CD70: variants seen among roughly 807,000 people sequenced by gnomAD.
The protein encoded by CD70 is CD70 antigen.
In CD70, 6 loss-of-function variants were observed where a neutral mutation model predicts 9.0. The observed-to-expected ratio is 0.67, with a 90% CI of 0.37 to 1.32. The LOEUF (loss-of-function observed/expected upper bound fraction) is 1.32. CD70 is among the 40% of genes most tolerant of loss of function. The pLI is 0.02. For missense variants in CD70, 235 were observed against 258.7 expected, an observed-to-expected ratio of 0.91 and a Z score of 0.63; for synonymous variants, 108 against 112.3, an observed-to-expected ratio of 0.96 and a Z score of 0.24.
downstream of CD70, among the ~76,000 whole-genome samples, chr19:6,583,788 GATT>G (rs1330566543): frequency 1.8e-4 from 14 of 79,382 alleles, no homozygotes; most frequent in Admixed American, 5.7e-4. Flanking sequence ...CTGTGGTCTT[GATT>G]TTTTTTTTTT....
At chr19:6,589,268 T>C (rs963898478) in intron 2 of CD70, among the ~76,000 whole-genome samples, 6 of 124,016 alleles carry the variant, frequency 4.8e-5, no homozygotes, top group East Asian at 2.7e-4. Flanking sequence ...CTTTCTCTTA[T>C]TTCTTTTTTT....
At chr19:6,587,324 AAG>A (rs1285807684) in intron 2 of CD70, among the ~76,000 whole-genome samples, 5 of 146,344 alleles carry the variant, frequency 3.4e-5, no homozygotes, top group South Asian at 2.2e-4. Flanking sequence ...GAGAGAGAGC[AAG>A]AGAGAGAGTG....
chr19:6,589,211 C>A (rs1427110301), intron 2 of CD70, among the ~76,000 whole-genome samples: 2 of 150,668 alleles, frequency 1.3e-5, no homozygotes, highest in Non-Finnish European at 3.0e-5. Context: ...GTCTCTTCCT[C>A]TCTGTTATTC....
Position 6,590,742 on chromosome 19 carries a change from C to T in CD70, c.162+99G>A. The T allele has an allele frequency of 1.8e-6, 2 of 1,137,066 alleles. No individual in the cohort carries two copies. The highest frequency in any genetic ancestry group is 2.6e-6 in the Non-Finnish European group (2 of 773,610). The allele number at this position is 1,137,066 out of a possible 1,614,324, so 70.4% of individuals were successfully genotyped here. A position where few individuals can be genotyped will look rare whatever the true frequency, so the allele number is the denominator to read the frequency against. On this transcript the variant is annotated intron_variant, in intron 1 of 2. Coordinates refer to ENST00000245903, the MANE Select transcript of CD70 (RefSeq NM_001252.5). The surrounding 1 kb of genome is among the most constrained non-coding windows in gnomAD (Gnocchi z 5.3). ...TGTTCTGGTCTCTGTCTCTGCCCTACCAGATCTTCCTCTCTGGCCTCTTTG... is the reference window on the plus strand; with the variant it reads ...TGTTCTGGTCTCTGTCTCTGCCCTATCAGATCTTCCTCTCTGGCCTCTTTG...
chr19:6,589,515 G>C (rs1916104563), intron 2 of CD70, among the ~76,000 whole-genome samples: 1 of 151,824 alleles, frequency 6.6e-6, no homozygotes, highest in Admixed American at 6.6e-5. Context: ...TCGGCCTCCT[G>C]AGTAGCTGGG....
In CD70 at chr19:6,586,403, G is replaced by C; in HGVS notation, c.199C>G (p.Pro67Ala). Residue 67 changes from proline to alanine, a missense_variant and splice_region_variant, in exon 3 of 3, where the codon CCT (proline) becomes GCT (alanine). Physicochemically the swap from Pro to Ala is conservative, Grantham distance 27. Transcript: ENST00000245903. Reference protein sequence around the residue: ...VAELQLNHTGPQQDPRLYWQG... With the variant: ...VAELQLNHTGAQQDPRLYWQG... ...CAGTATAGCCTGGGGTCCTGCTGAG[G>C]TCCTGGGGGCACAGGGTTAGAGGGA... 2 of 1,606,324 alleles carry C rather than the reference G, an allele frequency of 1.2e-6. No individual in the cohort carries two copies. Among genetic ancestry groups the C allele is most frequent in the Non-Finnish European group, 1.7e-6 (2 of 1,176,484 alleles).
chr19:6,590,743 CA>C lies in CD70; in HGVS notation c.162+97del. The C allele has an allele frequency of 8.7e-7, 1 of 1,143,758 alleles. No homozygotes were observed. Among genetic ancestry groups the C allele is most frequent in the Non-Finnish European group, 1.3e-6 (1 of 779,400 alleles). 70.9% of individuals were successfully genotyped at this position (1,143,758 alleles called of 1,614,324 possible). ...GTTCTGGTCTCTGTCTCTGCCCTAC[CA>C]GATCTTCCTCTCTGGCCTCTTTGTA... is the stretch of plus-strand genomic sequence containing the variant. On this transcript the variant is annotated intron_variant, in intron 1 of 2. Transcript: ENST00000245903. The surrounding 1 kb of genome is among the most constrained non-coding windows in gnomAD (Gnocchi z 5.3).
downstream of CD70, among the ~76,000 whole-genome samples, chr19:6,584,031 G>C (rs1202532157): frequency 1.3e-5 from 2 of 150,206 alleles, no homozygotes; most frequent in Non-Finnish European, 3.0e-5. Flanking sequence ...GACCTCAGGC[G>C]ATCCGCCCAC....
intron 2 of CD70, among the ~76,000 whole-genome samples, 183 bp downstream of exon 2, chr19:6,589,920 C>T (rs1380110977): frequency 6.7e-5 from 7 of 104,286 alleles, no homozygotes; most frequent in Non-Finnish European, 8.0e-5. Flanking sequence ...GGGCCTCTCC[C>T]TCCCTCTCTG....
chr19:6,590,028 C>T lies in CD70; in HGVS notation c.196+75G>A. On this transcript the variant is annotated intron_variant, in intron 2 of 2. Coordinates refer to ENST00000245903, the MANE Select transcript of CD70 (RefSeq NM_001252.5). The surrounding 1 kb of genome is among the most constrained non-coding windows in gnomAD (Gnocchi z 5.3). The stretch of plus-strand genomic sequence containing the variant: ...GTCTCTTTCTCTCTGTCTCTCCCCA[C>T]TTGTCTTTCTACCTCTCCTTCCTTC... 8.1e-7 allele frequency: 1 copy of T among 1,240,724 alleles called. No homozygotes were observed. The highest frequency in any genetic ancestry group is 1.2e-6 in the Non-Finnish European group (1 of 857,252). The allele number at this position is 1,240,724 out of a possible 1,614,324, so 76.9% of individuals were successfully genotyped here.
chr19:6,587,336 G>A (rs376812639), intron 2 of CD70, among the ~76,000 whole-genome samples: 1 of 151,722 alleles, frequency 6.6e-6, no homozygotes, highest in Non-Finnish European at 1.5e-5. Flanking sequence ...GAGAGAGAGT[G>A]TGTGTGTGAG....
chr19:6,584,141 T>C (rs540418274), downstream of CD70, among the ~76,000 whole-genome samples: 89 of 82,678 alleles, frequency 1.1e-3, no homozygotes, highest in South Asian at 0.013. Context: ...ACACTTCTCA[T>C]TGTAAAAAAA....
chr19:6,590,607 A>T lies in CD70; in HGVS notation c.162+234T>A, dbSNP rs1480381081. ...GAACACCAGAGCCGAGTCATCTTCC[A>T]TTTCCATGTGTGCCTACCTTTCCCA... On this transcript the variant is annotated intron_variant, in intron 1 of 2. Transcript: ENST00000245903. The surrounding 1 kb of genome is among the most constrained non-coding windows in gnomAD (Gnocchi z 5.3). Among the ~76,000 whole-genome samples the T allele has an allele frequency of 6.6e-6, 1 of 151,770 alleles. No individual in the cohort carries two copies. Among genetic ancestry groups the T allele is most frequent in the African/African-American group, 2.4e-5 (1 of 41,286 alleles).
chr19:6,584,995 A>C (rs2145318514), downstream of CD70, among the ~76,000 whole-genome samples: 1 of 152,024 alleles, frequency 6.6e-6, no homozygotes, highest in Non-Finnish European at 1.5e-5. Context: ...TACATAGTTA[A>C]ATGTGTGCCA....
rs1298589386 is a variant in CD70, at chr19:6,590,100, T to C, written c.196+3A>G. 1 of 1,613,036 alleles carries C rather than the reference T, an allele frequency of 6.2e-7. No individual in the cohort carries two copies. The highest frequency in any genetic ancestry group is 1.1e-5 in the South Asian group (1 of 91,040). ...CCCCGTCCCTCCACGTCCCCCGTGT[T>C]ACCTGTGTGATTCAGCTGCAGCTCA... On this transcript the variant is annotated splice_donor_region_variant and intron_variant, in intron 2 of 2. Coordinates refer to ENST00000245903, the MANE Select transcript of CD70 (RefSeq NM_001252.5). This position sits in a 1 kb window ranked among gnomAD's most constrained non-coding sequence, Gnocchi z 5.3.
rs1408313696 is a variant in CD70 at position 6,585,855 on chromosome 19, T to A, written c.*165A>T. ...AAGCCCAGCTGATTTTTGTATTTTT[T>A]AATAGGAAAATGAAAGAAAAAGCTC... On this transcript the variant is annotated 3_prime_UTR_variant, in exon 3 of 3. Transcript: ENST00000245903. 4 of 570,554 alleles carry A rather than the reference T, an allele frequency of 7.0e-6. No individual in the cohort carries two copies. Among genetic ancestry groups the A allele is most frequent in the Non-Finnish European group, 9.2e-6 (3 of 326,010 alleles). 35.3% of individuals were successfully genotyped at this position (570,554 alleles called of 1,614,324 possible).
At chr19:6,582,567 A>T (rs947903561), downstream of CD70, among the ~76,000 whole-genome samples, 7 of 150,394 alleles carry the variant, frequency 4.7e-5, no homozygotes, top group Admixed American at 6.6e-5. Flanking sequence ...CCTGTGTCCA[A>T]GTATTCTCAT....
At position 6,590,462 on chromosome 19, in the gene CD70, A is replaced by G. The variant is rs1599453863; in HGVS notation, c.163-326T>C. On this transcript the variant is annotated intron_variant, in intron 1 of 2. Coordinates refer to ENST00000245903, the MANE Select transcript of CD70 (RefSeq NM_001252.5). The surrounding 1 kb of genome is among the most constrained non-coding windows in gnomAD (Gnocchi z 5.3). ...GCAAAGGCGCCCGGCGCGGTCCCCA[A>G]AGGGACCCCTCCCCCACCCGGAGCG... Among the ~76,000 whole-genome samples, 1 of 152,138 alleles carries G rather than the reference A, an allele frequency of 6.6e-6. No individual in the cohort carries two copies. Among genetic ancestry groups the G allele is most frequent in the African/African-American group, 2.4e-5 (1 of 41,530 alleles).
intron 2 of CD70, among the ~76,000 whole-genome samples, chr19:6,589,771 C>T (rs1166002730): frequency 2.0e-5 from 3 of 151,130 alleles, no homozygotes; most frequent in Non-Finnish European, 4.4e-5. Flanking sequence ...CGTTCTGTCT[C>T]CCCCGCCTGT....
Sources: allele counts gnomAD v4.1 joint callset (sites outside exome capture counted in the v4.1 genomes callset), GRCh38; gene constraint gnomAD v4.1.1; non-coding constraint Gnocchi (gnomAD v3.1); transcripts MANE v1.5; gene names NCBI Gene and HGNC (gene_info 2026-07-23, HGNC 2026-07-21).